The following STMN2 variants were observed in gnomAD, a reference collection of about 807,000 sequenced individuals.
STMN2 encodes stathmin-2.
STMN2 carries 2 observed loss-of-function variants against 24.1 expected under a neutral mutation model. The observed-to-expected ratio is 0.08, with a 90% CI of 0.03 to 0.26. The LOEUF is 0.26. Among genes scored for constraint, STMN2 ranks in the 10% least tolerant of loss-of-function variants. The pLI, the probability that STMN2 is intolerant of heterozygous loss-of-function variation, is 1.00. For missense variants in STMN2, 114 were observed against 213.6 expected (o/e 0.53, Z 2.91); for synonymous variants, 83 against 77.5 (o/e 1.07, Z -0.37).
intron 1 of STMN2, among the ~76,000 whole-genome samples, chr8:79,633,085 T>G (rs1390904773): frequency 6.6e-6 from 1 of 152,242 alleles, no homozygotes; most frequent in Non-Finnish European, 1.5e-5. Flanking sequence ...GTCTTAAGTT[T>G]GTTTCCCGAT....
At chr8:79,635,732 A>T (rs1325197824) in intron 1 of STMN2, among the ~76,000 whole-genome samples, 1 of 152,140 alleles carries the variant, frequency 6.6e-6, no homozygotes, top group African/African-American at 2.4e-5. Flanking sequence ...AAATATGAGA[A>T]CAATAAACAC....
chr8:79,654,317 T>C (rs563051463), intron 3 of STMN2, among the ~76,000 whole-genome samples: 6 of 150,202 alleles, frequency 4.0e-5, no homozygotes, highest in African/African-American at 1.5e-4. Flanking sequence ...TGCACTGTTC[T>C]CAGATCTCCA....
Position 79,611,177 on chromosome 8 carries a change from G to GC in STMN2, c.-18dup, listed in dbSNP as rs1244190579. On this transcript the variant is annotated 5_prime_UTR_variant, in exon 1 of 5. Transcript: ENST00000220876. ...GACCCTTTGCCTTCGCCACTGCTCA[G>GC]CGTCTGCACATCCCTACAATGGCTA... 1 of 1,613,910 alleles carries GC rather than the reference G, an allele frequency of 6.2e-7. No homozygotes were observed. The highest frequency in any genetic ancestry group is 1.1e-5 in the South Asian group (1 of 91,074).
chr8:79,630,093 A>G (rs1046120326), intron 1 of STMN2, among the ~76,000 whole-genome samples: 2 of 152,190 alleles, frequency 1.3e-5, no homozygotes, highest in Admixed American at 1.3e-4. Context: ...GTGTCTTCCC[A>G]GTGTTCTATA....
At chr8:79,615,687 C>A (rs1332093692) in intron 1 of STMN2, among the ~76,000 whole-genome samples, 3 of 152,040 alleles carry the variant, frequency 2.0e-5, no homozygotes, top group Non-Finnish European at 4.4e-5. Context: ...TTAATAAAAT[C>A]TTTTCTTTTA....
Position 79,665,776 on chromosome 8 carries a change from A to G in STMN2, c.*902A>G. ...ACCTATAGTACAAGTACATGATGCTACTGAATATTTTTCCACTTGGAAACT... is the reference window on the plus strand; with the variant it reads ...ACCTATAGTACAAGTACATGATGCTGCTGAATATTTTTCCACTTGGAAACT... On this transcript the variant is annotated 3_prime_UTR_variant, in exon 5 of 5. Coordinates refer to ENST00000220876, the MANE Select transcript of STMN2 (RefSeq NM_007029.4). 1 of 153,372 alleles carries G rather than the reference A, an allele frequency of 6.5e-6. No homozygotes were observed. The highest frequency in any genetic ancestry group is 1.0e-3 in the Middle Eastern group (1 of 992). The allele number at this position is 153,372 out of a possible 1,614,324, so 9.5% of individuals were successfully genotyped here.
At chr8:79,618,427 C>T (rs531141096) in intron 1 of STMN2, among the ~76,000 whole-genome samples, 1 of 152,220 alleles carries the variant, frequency 6.6e-6, no homozygotes, top group Non-Finnish European at 1.5e-5. Flanking sequence ...TAGCACATTT[C>T]AAAATGCCTC....
intron 1 of STMN2, among the ~76,000 whole-genome samples, chr8:79,617,754 G>A (rs961898789): frequency 1.3e-5 from 2 of 152,164 alleles, no homozygotes; most frequent in East Asian, 1.9e-4. Context: ...ACATTTTCCC[G>A]CAATGGTGCT....
intron 3 of STMN2, among the ~76,000 whole-genome samples, chr8:79,644,769 C>T (rs7823452): frequency 0.063 from 9,542 of 152,134 alleles, 429 homozygotes; most frequent in East Asian, 0.23. Context: ...TTTGTATCTC[C>T]CTTCTGTTGC....
At chr8:79,619,628 T>G (rs1201490369) in intron 1 of STMN2, among the ~76,000 whole-genome samples, 1 of 152,202 alleles carries the variant, frequency 6.6e-6, no homozygotes, top group African/African-American at 2.4e-5. Flanking sequence ...TAGGATAGAC[T>G]TATTGCAGCC....
chr8:79,626,032 G>C (rs1467513333), intron 1 of STMN2, among the ~76,000 whole-genome samples: 1 of 152,114 alleles, frequency 6.6e-6, no homozygotes, highest in East Asian at 1.9e-4. Flanking sequence ...AATAAGCAAT[G>C]TCTTGCACAG....
intron 1 of STMN2, among the ~76,000 whole-genome samples, chr8:79,621,909 G>T (rs11787508): frequency 0.7 from 106,550 of 152,128 alleles, 37,965 homozygotes; most frequent in African/African-American, 0.82. Context: ...CATGTCCAAA[G>T]GTGTTAGGGC....
chr8:79,621,760 A>G (rs1235556458), intron 1 of STMN2, among the ~76,000 whole-genome samples: 1 of 152,192 alleles, frequency 6.6e-6, no homozygotes. Context: ...AAAATATGAG[A>G]GGGCTGATAA....
At chr8:79,641,285 A>G (rs1810089582) in intron 2 of STMN2, 93 bp from the exon 3 acceptor site, 1 of 1,371,876 alleles carries the variant, frequency 7.3e-7, no homozygotes. Context: ...CCGGAATAAC[A>G]ACGCTACTTC....
chr8:79,660,275 C>T lies in STMN2; in HGVS notation c.481-4540C>T, dbSNP rs534188724. ...ATTCCCCACTTAATCCAGATTGTAT[C>T]ATATCTTCTTTCTTTTGTAATTCTA... On this transcript the variant is annotated intron_variant, in intron 4 of 4. Coordinates refer to ENST00000220876, the MANE Select transcript of STMN2 (RefSeq NM_007029.4). Among the ~76,000 whole-genome samples, 5 of 152,292 alleles carry T rather than the reference C, an allele frequency of 3.3e-5. No individual in the cohort carries two copies. In the South Asian group the frequency reaches 1.0e-3, roughly 32 times the overall value.
chr8:79,645,465 TA>T (rs1273688064), intron 3 of STMN2, among the ~76,000 whole-genome samples: 1 of 152,336 alleles, frequency 6.6e-6, no homozygotes, highest in African/African-American at 2.4e-5. Flanking sequence ...CAGATACGGA[TA>T]TTAAAACAGA....
At position 79,639,869 on chromosome 8, in the gene STMN2, C is replaced by T. The variant is rs188056193; in HGVS notation, c.116-1509C>T. 3.3e-5 allele frequency among the ~76,000 whole-genome samples: 5 copies of T among 152,316 alleles called. No individual in the cohort carries two copies. In the East Asian group the frequency reaches 7.7e-4, roughly 23 times the overall value. ...ACTCTTTCAGTGATTTTCAAGAATA[C>T]AGTACATTGTTATTAACAATAGTCA... On this transcript the variant is annotated intron_variant, in intron 2 of 4. Transcript: ENST00000220876.
chr8:79,621,563 T>C (rs1809516667), intron 1 of STMN2, among the ~76,000 whole-genome samples: 1 of 152,198 alleles, frequency 6.6e-6, no homozygotes. Flanking sequence ...GCCTTCTTCT[T>C]CTTAAATGAA....
intron 1 of STMN2, among the ~76,000 whole-genome samples, chr8:79,615,561 G>A (rs796489292): frequency 3.9e-5 from 6 of 152,272 alleles, no homozygotes; most frequent in African/African-American, 1.4e-4. Context: ...ACCTAGACTG[G>A]TTCTGTCCAT....
Sources: gnomAD v4.1 joint callset for allele counts (sites outside exome capture counted in the v4.1 genomes callset) on GRCh38, gnomAD v4.1.1 for gene constraint, MANE v1.5 for transcripts, NCBI Gene and HGNC (gene_info 2026-07-23, HGNC 2026-07-21) for gene names.